Variants in GGA2 observed in about 807,000 individuals in gnomAD.
GGA2 encodes the protein ADP-ribosylation factor-binding protein GGA2.
In GGA2, 48 loss-of-function variants were observed where a neutral mutation model predicts 79.5. The observed-to-expected ratio is 0.60, with a 90% CI of 0.48 to 0.77. The LOEUF is 0.77. GGA2 is among the 30% of genes least tolerant of loss of function. The probability of loss-of-function intolerance (pLI) is 0.00; values close to 1 mark genes in which losing one functional copy is unlikely to be tolerated. For synonymous variants in GGA2, 317 were observed against 302.0 expected, an observed-to-expected ratio of 1.05 and a Z score of -0.51; for missense variants, 770 against 774.0, an observed-to-expected ratio of 0.99 and a Z score of 0.06.
At chr16:23,475,601 G>A (rs1413477632) in intron 13 of GGA2, among the ~76,000 whole-genome samples, 43 of 151,138 alleles carry the variant, frequency 2.8e-4, no homozygotes, top group African/African-American at 2.4e-4. Flanking sequence ...CAAATGAGAC[G>A]ATGTATGAAA....
At chr16:23,517,743 G>A (rs1303210622) in intron 2 of GGA2, among the ~76,000 whole-genome samples, 2 of 151,924 alleles carry the variant, frequency 1.3e-5, no homozygotes, top group Admixed American at 6.6e-5. Context: ...AACCCCTGAG[G>A]TGCATGCCAC....
At chr16:23,515,503 C>A (rs973971233) in intron 2 of GGA2, among the ~76,000 whole-genome samples, 11 of 140,598 alleles carry the variant, frequency 7.8e-5, no homozygotes, top group African/African-American at 2.9e-4. Context: ...AGGCTGAGAC[C>A]GGAGAATCGT....
chr16:23,522,509 T>C (rs1014551761), upstream of GGA2: 6 of 152,270 alleles, frequency 3.9e-5, no homozygotes, highest in African/African-American at 1.4e-4. Flanking sequence ...GGCTCTCTTA[T>C]GGCCTCCAAT....
At chr16:23,477,189 C>T (rs1202745722) in intron 13 of GGA2, among the ~76,000 whole-genome samples, 1 of 152,092 alleles carries the variant, frequency 6.6e-6, no homozygotes, top group African/African-American at 2.4e-5. Flanking sequence ...AGGGCTCAAG[C>T]GATCCACCTG....
rs771198946 is a variant in GGA2, at chr16:23,469,001, CAG to C, written c.1621-7_1621-6del. Reference sequence around the variant, plus strand: ...CTGCAGCTTCACTCTCATTGACTATCAGGGGAAGAAAACCAACATGTAACTCA... The same window carrying C: ...CTGCAGCTTCACTCTCATTGACTATCGGGAAGAAAACCAACATGTAACTCA... On this transcript the variant is annotated splice_region_variant and splice_polypyrimidine_tract_variant and intron_variant, in intron 15 of 16. Transcript: ENST00000309859. The C allele has an allele frequency of 3.8e-6, 6 of 1,578,696 alleles. No individual in the cohort carries two copies. The highest frequency in any genetic ancestry group is 2.2e-5 in the East Asian group (1 of 44,616).
intron 2 of GGA2, 141 bp from the exon 3 acceptor site, chr16:23,494,519 A>T (rs1964830805): frequency 3.0e-6 from 2 of 675,080 alleles, no homozygotes; most frequent in Non-Finnish European, 5.3e-6. Flanking sequence ...CAAACAGGCC[A>T]CGCGGGGGCC....
At chr16:23,499,563 G>A (rs1002724381) in intron 1 of GGA2, among the ~76,000 whole-genome samples, 3 of 152,146 alleles carry the variant, frequency 2.0e-5, no homozygotes, top group Admixed American at 2.0e-4. Context: ...TTTCTTATTT[G>A]CTAGAGCTTG....
At position 23,486,129 on chromosome 16, in the gene GGA2, C is replaced by T. The variant is rs1964709333; in HGVS notation, c.684G>A (p.Val228=). The change falls in exon 8 of 17, where the codon GTG becomes GTA. Residue 228 remains valine, a synonymous_variant. Coordinates refer to ENST00000309859, the MANE Select transcript of GGA2 (RefSeq NM_015044.4). Reference sequence around the variant, plus strand: ...CCTCCACCGCACTGACCCTCTTGGACACCTTCTCCGATTTTTCTTGTTCCT... The same window carrying T: ...CCTCCACCGCACTGACCCTCTTGGATACCTTCTCCGATTTTTCTTGTTCCT... The part of the protein sequence containing the change: ...VKEEQEKSEK[V]SKRVSAVEEV... The T allele has an allele frequency of 1.9e-6, 3 of 1,613,794 alleles. No homozygotes were observed. The highest frequency in any genetic ancestry group is 1.3e-5 in the African/African-American group (1 of 74,922).
chr16:23,478,709 C>T (rs763021901), intron 12 of GGA2, 174 bp downstream of exon 12: 3 of 734,312 alleles, frequency 4.1e-6, no homozygotes, highest in South Asian at 2.9e-5. Context: ...CAACCTGTCT[C>T]CCCCAGGTAT....
At chr16:23,505,659 G>C in intron 1 of GGA2, among the ~76,000 whole-genome samples, 1 of 152,010 alleles carries the variant, frequency 6.6e-6, no homozygotes, top group Admixed American at 6.6e-5. Context: ...CCCACCTTTG[G>C]CTCTGGGTTG....
intron 16 of GGA2, among the ~76,000 whole-genome samples, 153 bp from the exon 17 acceptor site, chr16:23,467,853 T>C (rs538586010): frequency 3.3e-5 from 5 of 152,294 alleles, no homozygotes; most frequent in East Asian, 1.9e-4. Flanking sequence ...CAGGCACATA[T>C]CCTGGGAACC....
upstream of GGA2, chr16:23,522,547 T>G (rs973584894): frequency 1.3e-5 from 2 of 152,226 alleles, no homozygotes; most frequent in African/African-American, 4.8e-5. Context: ...AGTTGGTTTC[T>G]ATTGTTTGCA....
At chr16:23,517,761 A>T (rs1965110385) in intron 2 of GGA2, among the ~76,000 whole-genome samples, 1 of 151,340 alleles carries the variant, frequency 6.6e-6, no homozygotes, top group South Asian at 2.1e-4. Context: ...CACCACACCT[A>T]GCTAATTTTT....
chr16:23,478,348 C>G lies in GGA2; in HGVS notation c.1292+20G>C, dbSNP rs376579898. 6.4e-7 allele frequency: 1 copy of G among 1,554,764 alleles called. No individual in the cohort carries two copies. The highest frequency in any genetic ancestry group is 8.7e-7 in the Non-Finnish European group (1 of 1,149,440). ...ACTCAGGAGCCACACTCTCCCACTC[C>G]CCTTGCCCAGAAGACTCACAGAGGG... On this transcript the variant is annotated intron_variant, in intron 13 of 16. Coordinates refer to ENST00000309859, the MANE Select transcript of GGA2 (RefSeq NM_015044.4).
chr16:23,504,991 C>T (rs747907995), intron 1 of GGA2, among the ~76,000 whole-genome samples: 15 of 152,166 alleles, frequency 9.9e-5, no homozygotes, highest in Non-Finnish European at 2.1e-4. Context: ...AACCAACCAC[C>T]GGGGTCATGA....
At chr16:23,476,331 G>A (rs1307371497) in intron 13 of GGA2, among the ~76,000 whole-genome samples, 1 of 152,156 alleles carries the variant, frequency 6.6e-6, no homozygotes, top group African/African-American at 2.4e-5. Context: ...TTTCTATCAG[G>A]AACATGGGCA....
intron 1 of GGA2, among the ~76,000 whole-genome samples, chr16:23,507,405 A>G (rs1964984976): frequency 6.6e-6 from 1 of 152,232 alleles, no homozygotes; most frequent in Non-Finnish European, 1.5e-5. Context: ...AGACTGGCAG[A>G]TAACTTGAGG....
At chr16:23,506,185 C>A (rs1223823752) in intron 1 of GGA2, among the ~76,000 whole-genome samples, 2 of 152,132 alleles carry the variant, frequency 1.3e-5, no homozygotes, top group Admixed American at 1.3e-4. Context: ...TCAGACACCA[C>A]CCCCTGGTGA....
At chr16:23,504,713 G>T (rs951514142) in intron 1 of GGA2, among the ~76,000 whole-genome samples, 8 of 152,216 alleles carry the variant, frequency 5.3e-5, no homozygotes, top group African/African-American at 1.9e-4. Flanking sequence ...CGGCCAGGGA[G>T]AAATTCAAAG....
Sources: allele counts gnomAD v4.1 joint callset (sites outside exome capture counted in the v4.1 genomes callset), GRCh38; gene constraint gnomAD v4.1.1; transcripts MANE v1.5; gene names NCBI Gene and HGNC (gene_info 2026-07-23, HGNC 2026-07-21).